LMO7: variants seen among roughly 807,000 people sequenced by gnomAD.
LMO7 encodes the protein LIM domain 7.
LMO7 carries 120 observed loss-of-function variants against 206.5 expected under a neutral mutation model. The ratio of observed to expected loss-of-function variants is 0.58; its 90% CI spans 0.50 to 0.68. The LOEUF (loss-of-function observed/expected upper bound fraction) is 0.68. LMO7 is among the 30% of genes least tolerant of loss of function. LMO7 has a pLI of 0.00. For synonymous variants in LMO7, 706 were observed against 681.5 expected (o/e 1.04, Z -0.56); for missense variants, 1,959 against 1,957.9 (o/e 1.00, Z -0.01).
In LMO7 at chr13:75,841,974, A is replaced by G. The variant is rs760375469; in HGVS notation, c.4022A>G (p.Gln1341Arg). The change falls in exon 24 of 31, where the codon CAG (glutamine) becomes CGG (arginine). Residue 1341 changes from glutamine (Q) to arginine (R), a missense_variant. By Grantham distance (43) the Gln-to-Arg change is conservative. Transcript: ENST00000377534. ...CGGGAAACATCAGTCAGAATATACC[A>G]GTACAGGAGGTATGTCCCCACAGCC... ...IERETSVRIY[Q>R]YRRPVDSYDI... 9.3e-6 allele frequency: 15 copies of G among 1,609,748 alleles called. No homozygotes were observed. In the Admixed American group the frequency reaches 2.2e-4, roughly 23 times the overall value.
At chr13:75,787,407 G>A (rs1163990622) in intron 4 of LMO7, among the ~76,000 whole-genome samples, 2 of 152,202 alleles carry the variant, frequency 1.3e-5, no homozygotes, top group African/African-American at 4.8e-5. Context: ...CGGTGTCTTT[G>A]AATGCGTGTG....
At chr13:75,698,037 G>T (rs904492438) in intron 1 of LMO7, among the ~76,000 whole-genome samples, 14 of 152,090 alleles carry the variant, frequency 9.2e-5, no homozygotes, top group Admixed American at 2.0e-4. Flanking sequence ...TATCTTTCGT[G>T]TGTTTTCAGC....
At chr13:75,626,387 T>TA (rs1368493934) in intron 2 of LMO7, among the ~76,000 whole-genome samples, 1 of 151,164 alleles carries the variant, frequency 6.6e-6, no homozygotes, top group Non-Finnish European at 1.5e-5. Flanking sequence ...AAACCCCTGA[T>TA]AAACCCATCA....
At chr13:75,857,023 A>G (rs2061015602) in intron 30 of LMO7, 2 of 155,138 alleles carry the variant, frequency 1.3e-5, no homozygotes, top group South Asian at 3.9e-4. Context: ...TATGTGATTT[A>G]GAATATGACC....
intron 6 of LMO7, 83 bp downstream of exon 6, chr13:75,796,832 C>A: frequency 1.2e-6 from 1 of 858,692 alleles, no homozygotes. Context: ...TTTTCTTCTC[C>A]TTCTCCTCTA....
chr13:75,642,720 TTG>T (rs2036662129), intron 1 of LMO7, among the ~76,000 whole-genome samples: 2 of 152,176 alleles, frequency 1.3e-5, no homozygotes, highest in Non-Finnish European at 2.9e-5. Flanking sequence ...TCTAAAACCT[TTG>T]TGGCAGTTTG....
intron 3 of LMO7, among the ~76,000 whole-genome samples, chr13:75,732,029 C>A (rs1307045300): frequency 1.3e-5 from 2 of 151,890 alleles, no homozygotes; most frequent in Non-Finnish European, 2.9e-5. Context: ...TGTGGGTAAC[C>A]CGTCCTTTCT....
intron 4 of LMO7, among the ~76,000 whole-genome samples, chr13:75,780,829 G>C (rs143410501): frequency 6.6e-6 from 1 of 152,114 alleles, no homozygotes; most frequent in South Asian, 2.1e-4. Flanking sequence ...TTCTTCTGCC[G>C]TGGCTTCAGC....
intron 2 of LMO7, among the ~76,000 whole-genome samples, chr13:75,629,232 T>C (rs2034603631): frequency 6.6e-6 from 1 of 152,210 alleles, no homozygotes; most frequent in Non-Finnish European, 1.5e-5. Context: ...TTTTCTACTC[T>C]GCTGTTATCA....
chr13:75,804,473 C>A lies in LMO7; in HGVS notation c.846C>A (p.Asp282Glu). Residue 282 changes from aspartate (D) to glutamate (E), a missense_variant, in exon 8 of 31, where the codon GAC (aspartate) becomes GAA (glutamate). Coordinates refer to ENST00000377534, the MANE Select transcript of LMO7 (RefSeq NM_001306080.2). Reference sequence around the variant, plus strand: ...CACCTCTGAGAAAGAAAAAGCCAGACAAACATGAGGATAACAGAAGAAGTT... The same window carrying A: ...CACCTCTGAGAAAGAAAAAGCCAGAAAAACATGAGGATAACAGAAGAAGTT... The part of the protein sequence containing the change: ...VPAPLRKKKP[D>E]KHEDNRRSWA... 1 of 1,614,142 alleles carries A rather than the reference C, an allele frequency of 6.2e-7. No homozygotes were observed. Among genetic ancestry groups the A allele is most frequent in the Non-Finnish European group, 8.5e-7 (1 of 1,179,998 alleles).
chr13:75,853,573 A>G (rs1277053450), intron 28 of LMO7, among the ~76,000 whole-genome samples, 185 bp downstream of exon 28: 1 of 152,204 alleles, frequency 6.6e-6, no homozygotes, highest in Non-Finnish European at 1.5e-5. Flanking sequence ...CAACTCTAAT[A>G]GCATTTCTAG....
chr13:75,683,307 A>G (rs1471626614), intron 1 of LMO7, among the ~76,000 whole-genome samples: 1 of 152,056 alleles, frequency 6.6e-6, no homozygotes, highest in Non-Finnish European at 1.5e-5. Flanking sequence ...AATATCACAA[A>G]TTTATTTCCA....
At chr13:75,856,663 C>T (rs751893087) in intron 30 of LMO7, 55 bp downstream of exon 30, 99 of 1,015,096 alleles carry the variant, frequency 9.8e-5, no homozygotes, top group Non-Finnish European at 1.4e-4. Context: ...GCCACGGGTT[C>T]CCATGCATTT....
chr13:75,850,637 C>G (rs536514883), intron 27 of LMO7, among the ~76,000 whole-genome samples: 14 of 152,292 alleles, frequency 9.2e-5, no homozygotes, highest in Admixed American at 3.3e-4. Flanking sequence ...GACAGTAACT[C>G]ACAATCTCTC....
At chr13:75,642,772 T>G (rs1405198796) in intron 1 of LMO7, among the ~76,000 whole-genome samples, 1 of 152,216 alleles carries the variant, frequency 6.6e-6, no homozygotes, top group Non-Finnish European at 1.5e-5. Context: ...TTCTCCACAT[T>G]CTGGCCCAAA....
rs1490670959 is a variant in LMO7, at chr13:75,853,271, C to T, written c.4544C>T (p.Pro1515Leu). The T allele has an allele frequency of 1.2e-6, 2 of 1,613,950 alleles. No individual in the cohort carries two copies. Among genetic ancestry groups the T allele is most frequent in the African/African-American group, 1.3e-5 (1 of 74,900 alleles). ...ATGCGGAACCCCTCCTCCAGCGTGCCCCCACCTTCAGCTGGCTCCGTGAAG... is the reference window on the plus strand; with the variant it reads ...ATGCGGAACCCCTCCTCCAGCGTGCTCCCACCTTCAGCTGGCTCCGTGAAG... ...AYMRNPSSSVPPPSAGSVKTS... is the reference protein window; with the variant it reads ...AYMRNPSSSVLPPSAGSVKTS... Residue 1515 changes from proline to leucine, a missense_variant, in exon 28 of 31, where the codon CCC becomes CTC. Coordinates refer to ENST00000377534, the MANE Select transcript of LMO7 (RefSeq NM_001306080.2).
chr13:75,723,703 T>C (rs951561081), intron 2 of LMO7, among the ~76,000 whole-genome samples: 1 of 152,140 alleles, frequency 6.6e-6, no homozygotes, highest in South Asian at 2.1e-4. Context: ...AGCTCTCTAG[T>C]ATCTGTCATT....
chr13:75,728,111 T>G (rs2044675973), intron 3 of LMO7, among the ~76,000 whole-genome samples: 2 of 152,194 alleles, frequency 1.3e-5, no homozygotes. Context: ...TATAGCAGCA[T>G]GATTTATAAT....
intron 3 of LMO7, among the ~76,000 whole-genome samples, chr13:75,738,195 CT>C (rs1364852293): frequency 6.6e-6 from 1 of 152,182 alleles, no homozygotes; most frequent in African/African-American, 2.4e-5. Context: ...AGGGTTTAAG[CT>C]GAGTTGTTAC....
Sources: gnomAD v4.1 joint callset for allele counts (sites outside exome capture counted in the v4.1 genomes callset) on GRCh38, gnomAD v4.1.1 for gene constraint, MANE v1.5 for transcripts, NCBI Gene and HGNC (gene_info 2026-07-23, HGNC 2026-07-21) for gene names.